Variants in CHSY3 observed in about 807,000 individuals in gnomAD.
CHSY3 encodes N-acetylgalactosaminyl-proteoglycan 3-beta-glucuronosyltransferase 3.
In CHSY3, 35 loss-of-function variants were observed where a neutral mutation model predicts 67.2. That is an observed-to-expected ratio of 0.52 (90% CI 0.40 to 0.69). The LOEUF is 0.69. Among genes scored for constraint, CHSY3 ranks in the 30% least tolerant of loss-of-function variants. The probability of loss-of-function intolerance (pLI) is 0.00; values close to 1 mark genes in which losing one functional copy is unlikely to be tolerated. For synonymous variants in CHSY3, 474 were observed against 434.7 expected (o/e 1.09, Z -1.12); for missense variants, 1,069 against 1,138.5 (o/e 0.94, Z 0.88).
chr5:130,167,003 G>GACTT (rs1769765276), intron 2 of CHSY3, among the ~76,000 whole-genome samples: 1 of 152,082 alleles, frequency 6.6e-6, no homozygotes, highest in African/African-American at 2.4e-5. Context: ...AGGCCAGGAA[G>GACTT]ACTTATTCAA....
intron 2 of CHSY3, among the ~76,000 whole-genome samples, chr5:129,939,115 G>C (rs1761613344): frequency 6.6e-6 from 1 of 152,210 alleles, no homozygotes; most frequent in South Asian, 2.1e-4. Context: ...AGCTTACAGG[G>C]AAGTAGGCAT....
chr5:130,074,902 C>A (rs912222754), intron 2 of CHSY3, among the ~76,000 whole-genome samples: 23 of 151,680 alleles, frequency 1.5e-4, no homozygotes, highest in African/African-American at 5.6e-4. Flanking sequence ...AATAATTAAG[C>A]TTTTAACTTA....
chr5:129,957,821 C>T (rs1388568359), intron 2 of CHSY3, among the ~76,000 whole-genome samples: 2 of 152,016 alleles, frequency 1.3e-5, no homozygotes, highest in Non-Finnish European at 2.9e-5. Flanking sequence ...TCAATATAAA[C>T]ACTTGTGTCC....
chr5:130,010,811 A>G (rs1161934401), intron 2 of CHSY3, among the ~76,000 whole-genome samples: 1 of 152,166 alleles, frequency 6.6e-6, no homozygotes, highest in Admixed American at 6.6e-5. Flanking sequence ...CAACCCACAG[A>G]AACACACACA....
At chr5:130,009,003 A>G (rs1763967228) in intron 2 of CHSY3, among the ~76,000 whole-genome samples, 1 of 144,336 alleles carries the variant, frequency 6.9e-6, no homozygotes, top group Non-Finnish European at 1.5e-5. Flanking sequence ...GGCATCCCTT[A>G]AGGAGAGGGA....
At chr5:130,032,994 G>A (rs1337092868) in intron 2 of CHSY3, among the ~76,000 whole-genome samples, 1 of 152,128 alleles carries the variant, frequency 6.6e-6, no homozygotes, top group African/African-American at 2.4e-5. Flanking sequence ...CTCAATCCTG[G>A]GCTGTGGGCC....
At chr5:130,127,611 T>A (rs887657079) in intron 2 of CHSY3, among the ~76,000 whole-genome samples, 1 of 152,230 alleles carries the variant, frequency 6.6e-6, no homozygotes, top group African/African-American at 2.4e-5. Context: ...TTTATTTTCA[T>A]GTCACTTAGA....
chr5:130,112,903 G>C (rs932566886), intron 2 of CHSY3, among the ~76,000 whole-genome samples: 5 of 151,898 alleles, frequency 3.3e-5, no homozygotes, highest in African/African-American at 9.7e-5. Flanking sequence ...TTTTCACTCC[G>C]TTTCCCTTTG....
intron 2 of CHSY3, among the ~76,000 whole-genome samples, chr5:130,022,966 G>A (rs911956577): frequency 6.6e-6 from 1 of 151,938 alleles, no homozygotes; most frequent in East Asian, 1.9e-4. Context: ...ATCTGGGGAA[G>A]GGGTAAAGTT....
At chr5:129,957,870 A>AT (rs1439893950) in intron 2 of CHSY3, among the ~76,000 whole-genome samples, 8 of 151,246 alleles carry the variant, frequency 5.3e-5, no homozygotes, top group South Asian at 2.1e-4. Context: ...TGTTTCCTTG[A>AT]TTTTTTCTTC....
intron 2 of CHSY3, among the ~76,000 whole-genome samples, chr5:130,047,833 C>T (rs575601892): frequency 6.6e-5 from 10 of 151,984 alleles, no homozygotes; most frequent in East Asian, 1.9e-4. Flanking sequence ...TATGTTTTAA[C>T]GAATTTTGTT....
intron 2 of CHSY3, among the ~76,000 whole-genome samples, chr5:129,964,586 C>T (rs907662669): frequency 3.3e-5 from 5 of 151,720 alleles, no homozygotes; most frequent in South Asian, 2.1e-4. Context: ...GAAAACAATG[C>T]GCAGTCCTAT....
chr5:129,994,954 G>A (rs569885650), intron 2 of CHSY3, among the ~76,000 whole-genome samples: 3 of 152,108 alleles, frequency 2.0e-5, no homozygotes, highest in East Asian at 3.9e-4. Context: ...GCTAAATGAC[G>A]AGTTAATGGG....
chr5:129,904,656 C>T lies in CHSY3; in HGVS notation c.-174C>T. ...CGGGAGCCCGGCAGGCAGCTGCAGC[C>T]CGCGGCAGTCGAGGCGTCCGCGGCG... On this transcript the variant is annotated 5_prime_UTR_variant, in exon 1 of 3. Coordinates refer to ENST00000305031, the MANE Select transcript of CHSY3 (RefSeq NM_175856.5). 9.5e-7 allele frequency: 1 copy of T among 1,055,550 alleles called. No homozygotes were observed. Among genetic ancestry groups the T allele is most frequent in the African/African-American group, 1.7e-5 (1 of 60,408 alleles). The allele number at this position is 1,055,550 out of a possible 1,614,324, so 65.4% of individuals were successfully genotyped here.
intron 1 of CHSY3, among the ~76,000 whole-genome samples, chr5:129,907,544 A>G (rs1188785120): frequency 6.6e-6 from 1 of 152,168 alleles, no homozygotes; most frequent in African/African-American, 2.4e-5. Context: ...ACTTTTTTCT[A>G]AAAAGGTGCC....
chr5:130,174,385 T>C (rs2149734241), intron 2 of CHSY3, among the ~76,000 whole-genome samples: 1 of 151,946 alleles, frequency 6.6e-6, no homozygotes, highest in East Asian at 2.0e-4. Context: ...AGGAGACTTT[T>C]TTCCTTCATA....
At chr5:130,010,334 A>C (rs1156389827) in intron 2 of CHSY3, among the ~76,000 whole-genome samples, 1 of 152,164 alleles carries the variant, frequency 6.6e-6, no homozygotes, top group Non-Finnish European at 1.5e-5. Flanking sequence ...AAGATCTCTG[A>C]AAAAACTTAC....
At chr5:130,134,221 T>C (rs1221469593) in intron 2 of CHSY3, among the ~76,000 whole-genome samples, 1 of 152,232 alleles carries the variant, frequency 6.6e-6, no homozygotes, top group African/African-American at 2.4e-5. Flanking sequence ...CTTCAAGTTA[T>C]TACTACACTG....
At chr5:130,179,222 G>A (rs945372197) in intron 2 of CHSY3, among the ~76,000 whole-genome samples, 5 of 151,994 alleles carry the variant, frequency 3.3e-5, no homozygotes, top group African/African-American at 9.7e-5. Context: ...TGAACATTCC[G>A]GGTTGATTTT....
Sources: allele counts gnomAD v4.1 joint callset (sites outside exome capture counted in the v4.1 genomes callset), GRCh38; gene constraint gnomAD v4.1.1; transcripts MANE v1.5; gene names NCBI Gene and HGNC (gene_info 2026-07-23, HGNC 2026-07-21).